Variants in GLIPR1L2 observed in about 807,000 individuals in gnomAD.
The protein encoded by GLIPR1L2 is GLIPR1-like protein 2.
In GLIPR1L2, 21 loss-of-function variants were observed where a neutral mutation model predicts 28.4. The ratio of observed to expected loss-of-function variants is 0.74; its 90% CI spans 0.52 to 1.06. The LOEUF (loss-of-function observed/expected upper bound fraction) is 1.06, where lower values mean the gene tolerates loss of function less well. Among genes scored for constraint, GLIPR1L2 ranks in the 50% least tolerant of loss-of-function variants. The pLI is 0.00. For missense variants in GLIPR1L2, 476 were observed against 416.9 expected (o/e 1.14, Z -1.23); for synonymous variants, 145 against 139.3 (o/e 1.04, Z -0.29).
Position 75,400,188 on chromosome 12 carries a change from G to A in GLIPR1L2, c.234+8838G>A, listed in dbSNP as rs561031108. 3.5e-3 allele frequency among the ~76,000 whole-genome samples: 527 copies of A among 152,030 alleles called. 6 individuals are homozygous for A. The highest frequency in any genetic ancestry group is 0.016 in the South Asian group (75 of 4,798). ...GACCGGAGTGCAGTGGCGCCATCTC[G>A]GCTCACTGCAACCTCTGCCTCCTGG... On this transcript the variant is annotated intron_variant, in intron 1 of 5. Transcript: ENST00000550916.
chr12:75,417,783 T>A (rs3952732), intron 3 of GLIPR1L2, among the ~76,000 whole-genome samples: 79,477 of 151,670 alleles, frequency 0.52, 20,941 homozygotes, highest in East Asian at 0.58. Context: ...AAACTGAAAC[T>A]ATATTACATA....
At chr12:75,416,446 G>A (rs1425815240) in intron 3 of GLIPR1L2, among the ~76,000 whole-genome samples, 3 of 152,006 alleles carry the variant, frequency 2.0e-5, no homozygotes, top group Non-Finnish European at 4.4e-5. Context: ...GGGGCACTAC[G>A]CTATTTTAAA....
intron 4 of GLIPR1L2, among the ~76,000 whole-genome samples, chr12:75,428,433 T>C (rs1365231003): frequency 1.3e-5 from 2 of 152,110 alleles, no homozygotes; most frequent in Non-Finnish European, 1.5e-5. Context: ...CTCAAAGAGA[T>C]GATCTGAAAT....
Position 75,431,478 on chromosome 12 carries a change from T to G in GLIPR1L2, c.*317T>G. 4.6e-6 allele frequency: 1 copy of G among 217,726 alleles called. No homozygotes were observed. The highest frequency in any genetic ancestry group is 9.0e-6 in the Non-Finnish European group (1 of 110,756). 13.5% of individuals were successfully genotyped at this position (217,726 alleles called of 1,614,324 possible). A position where few individuals can be genotyped will look rare whatever the true frequency, so the allele number is the denominator to read the frequency against. On this transcript the variant is annotated 3_prime_UTR_variant, in exon 6 of 6. Coordinates refer to ENST00000550916, the MANE Select transcript of GLIPR1L2 (RefSeq NM_001270396.2). ...ATTTCACCATGTTATTCTAATAAAGTAGGGAATTTTCATTTTCTAAACATG... is the reference window on the plus strand; with the variant it reads ...ATTTCACCATGTTATTCTAATAAAGGAGGGAATTTTCATTTTCTAAACATG...
chr12:75,408,333 G>A (rs1314328231), intron 1 of GLIPR1L2, among the ~76,000 whole-genome samples: 2 of 151,860 alleles, frequency 1.3e-5, no homozygotes, highest in Non-Finnish European at 2.9e-5. Context: ...GATTTCATGG[G>A]TTTAAATCCA....
chr12:75,401,429 T>A (rs552004459), intron 1 of GLIPR1L2, among the ~76,000 whole-genome samples: 1 of 151,602 alleles, frequency 6.6e-6, no homozygotes, highest in African/African-American at 2.4e-5. Flanking sequence ...GCCTTCGCAC[T>A]GGCCAAAATA....
intron 4 of GLIPR1L2, among the ~76,000 whole-genome samples, chr12:75,428,871 G>A (rs1320015158): frequency 1.3e-5 from 2 of 152,276 alleles, no homozygotes; most frequent in African/African-American, 4.8e-5. Context: ...TCCATGTGGT[G>A]TTAGGCTTGC....
intron 2 of GLIPR1L2, among the ~76,000 whole-genome samples, chr12:75,412,493 T>C (rs1173668154): frequency 6.6e-6 from 1 of 151,762 alleles, no homozygotes; most frequent in African/African-American, 2.4e-5. Flanking sequence ...CAAACAAATT[T>C]ACAAGAAAAA....
chr12:75,412,723 A>G (rs2139946408), intron 2 of GLIPR1L2, among the ~76,000 whole-genome samples: 1 of 151,538 alleles, frequency 6.6e-6, no homozygotes, highest in Admixed American at 6.6e-5. Context: ...GTGGAGAAAT[A>G]GGAACACTTT....
chr12:75,413,089 G>T (rs1327426351), intron 2 of GLIPR1L2, among the ~76,000 whole-genome samples: 1 of 151,030 alleles, frequency 6.6e-6, no homozygotes, highest in Non-Finnish European at 1.5e-5. Context: ...GCAAACTATC[G>T]CAAGGACAAA....
At chr12:75,411,235 A>G (rs1366116349) in intron 2 of GLIPR1L2, among the ~76,000 whole-genome samples, 3 of 151,846 alleles carry the variant, frequency 2.0e-5, no homozygotes, top group Non-Finnish European at 2.9e-5. Context: ...GTCTGATACT[A>G]CACTGAGGGC....
chr12:75,423,211 A>G (rs1594029061), intron 4 of GLIPR1L2: 8 of 1,369,258 alleles, frequency 5.8e-6, no homozygotes, highest in Non-Finnish European at 7.5e-6. Flanking sequence ...CCCTGAGGAC[A>G]TACCAGAGTG....
chr12:75,419,662 T>G (rs939471576), intron 3 of GLIPR1L2, among the ~76,000 whole-genome samples: 2 of 152,224 alleles, frequency 1.3e-5, no homozygotes, highest in East Asian at 3.8e-4. Context: ...GAGCTTTAAC[T>G]GTTTAACTGT....
chr12:75,391,321 AT>A lies in GLIPR1L2; in HGVS notation c.207del (p.Arg71GlufsTer8). 6.2e-7 allele frequency: 1 copy of A among 1,614,158 alleles called. No homozygotes were observed. The highest frequency in any genetic ancestry group is 8.5e-7 in the Non-Finnish European group (1 of 1,179,984). On this transcript the variant is annotated frameshift_variant, in exon 1 of 6. Transcript: ENST00000550916. LOFTEE classifies it high-confidence loss of function. ...NLHNELRGDV[I>X]PRGSNLRFMT... ...CCACAATGAGCTGCGGGGCGACGTC[AT>A]TCCCCGAGGGTCTAACTTGCGCTTC...
At position 75,431,208 on chromosome 12, in the gene GLIPR1L2, G is replaced by A; in HGVS notation, c.*47G>A. On this transcript the variant is annotated 3_prime_UTR_variant, in exon 6 of 6. Coordinates refer to ENST00000550916, the MANE Select transcript of GLIPR1L2 (RefSeq NM_001270396.2). ...GATGTATCACCAATATAAACCAAAAGTGTAATACAAAAAAAGACAGAAAAA... is the reference window on the plus strand; with the variant it reads ...GATGTATCACCAATATAAACCAAAAATGTAATACAAAAAAAGACAGAAAAA... The A allele has an allele frequency of 1.8e-6, 1 of 559,978 alleles. No homozygotes were observed. The highest frequency in any genetic ancestry group is 3.1e-6 in the Non-Finnish European group (1 of 318,886). The allele number at this position is 559,978 out of a possible 1,614,324, so 34.7% of individuals were successfully genotyped here. A position where few individuals can be genotyped will look rare whatever the true frequency, so the allele number is the denominator to read the frequency against.
At position 75,432,687 on chromosome 12, in the gene GLIPR1L2, G is replaced by C. The variant is rs912768184; in HGVS notation, c.*1526G>C. 14 of 151,074 alleles carry C rather than the reference G, an allele frequency of 9.3e-5. No homozygotes were observed. Among genetic ancestry groups the C allele is most frequent in the African/African-American group, 3.4e-4 (14 of 41,112 alleles). 9.4% of individuals were successfully genotyped at this position (151,074 alleles called of 1,614,324 possible). A position where few individuals can be genotyped will look rare whatever the true frequency, so the allele number is the denominator to read the frequency against. ...TAAAAAGCCCTGAGCTATCCTCTTGGATTTGAATGTTTCTGTTTGGTTTGT... is the reference window on the plus strand; with the variant it reads ...TAAAAAGCCCTGAGCTATCCTCTTGCATTTGAATGTTTCTGTTTGGTTTGT... On this transcript the variant is annotated 3_prime_UTR_variant, in exon 6 of 6. Transcript: ENST00000550916.
intron 4 of GLIPR1L2, among the ~76,000 whole-genome samples, chr12:75,429,177 G>A (rs1350333437): frequency 6.6e-6 from 1 of 152,230 alleles, no homozygotes; most frequent in African/African-American, 2.4e-5. Flanking sequence ...GCCTGTGAAA[G>A]CAGCCACAGG....
chr12:75,400,167 G>A (rs549589998), intron 1 of GLIPR1L2, among the ~76,000 whole-genome samples: 216 of 152,046 alleles, frequency 1.4e-3, no homozygotes, highest in African/African-American at 4.7e-3. Context: ...TGCCCAGACC[G>A]GAGTGCAGTG....
chr12:75,412,405 G>A (rs1261352614), intron 2 of GLIPR1L2, among the ~76,000 whole-genome samples: 1 of 151,940 alleles, frequency 6.6e-6, no homozygotes, highest in Non-Finnish European at 1.5e-5. Flanking sequence ...GAGTGAACAG[G>A]CAACCTACAA....
Sources: allele counts gnomAD v4.1 joint callset (sites outside exome capture counted in the v4.1 genomes callset), GRCh38; gene constraint gnomAD v4.1.1; transcripts MANE v1.5; gene names NCBI Gene and HGNC (gene_info 2026-07-23, HGNC 2026-07-21).